The following ZNF728 variants were observed in gnomAD, a reference collection of about 807,000 sequenced individuals.
ZNF728 encodes the protein zinc finger protein 728.
Under a neutral mutation model 12.5 loss-of-function variants are expected in ZNF728, and 12 were observed. The observed-to-expected ratio is 0.96, with a 90% CI of 0.61 to 1.55. The LOEUF is 1.55. Among genes scored for constraint, ZNF728 ranks in the 40% most tolerant of loss-of-function variants. The probability of loss-of-function intolerance (pLI) is 0.00; values close to 1 mark genes in which losing one functional copy is unlikely to be tolerated. For synonymous variants in ZNF728, 205 were observed against 240.7 expected (o/e 0.85, Z 1.37); for missense variants, 692 against 719.2 (o/e 0.96, Z 0.43).
chr19:23,002,847 G>A (rs952698211), intron 1 of ZNF728, among the ~76,000 whole-genome samples, 181 bp downstream of exon 1: 13 of 152,202 alleles, frequency 8.5e-5, no homozygotes. Context: ...CCCGGGGACC[G>A]GGTGTCAGCG....
intron 1 of ZNF728, 61 bp from the exon 2 acceptor site, chr19:22,988,512 G>A (rs189851141): frequency 3.9e-5 from 62 of 1,594,954 alleles, no homozygotes; most frequent in Non-Finnish European, 5.1e-5. Context: ...TTTTTAATTT[G>A]ACTCAAGGTA....
At chr19:22,982,062 T>C (rs890910696) in intron 3 of ZNF728, among the ~76,000 whole-genome samples, 2 of 152,092 alleles carry the variant, frequency 1.3e-5, no homozygotes, top group African/African-American at 2.4e-5. Context: ...ATAAAAGGTA[T>C]TCAAATAGGA....
intron 1 of ZNF728, among the ~76,000 whole-genome samples, chr19:22,989,877 G>A (rs1021367174): frequency 6.6e-6 from 1 of 151,956 alleles, no homozygotes; most frequent in Non-Finnish European, 1.5e-5. Flanking sequence ...GACATAATAA[G>A]GAACACAGAC....
At chr19:22,995,102 A>AGCT (rs1322170291) in intron 1 of ZNF728, 3 of 152,316 alleles carry the variant, frequency 2.0e-5, no homozygotes, top group African/African-American at 7.2e-5. Flanking sequence ...TGAAAAAAAT[A>AGCT]CTGCTGGGTT....
chr19:22,984,053 TG>T (rs1968888301), intron 3 of ZNF728, among the ~76,000 whole-genome samples: 1 of 151,898 alleles, frequency 6.6e-6, no homozygotes, highest in East Asian at 1.9e-4. Flanking sequence ...TACTTAAAGG[TG>T]GTATAAAACA....
chr19:22,998,354 T>TAA (rs35334611), intron 1 of ZNF728, among the ~76,000 whole-genome samples: 34,728 of 137,912 alleles, frequency 0.25, 4,609 homozygotes, highest in African/African-American at 0.38. Context: ...ATCCCATCTA[T>TAA]AAAAAAAAAA....
chr19:23,000,887 CA>C (rs150522126), intron 1 of ZNF728, among the ~76,000 whole-genome samples: 8,387 of 125,162 alleles, frequency 0.067, 301 homozygotes, highest in African/African-American at 0.078. Flanking sequence ...AAAAAAAAAC[CA>C]AAAAAAAAAA....
At chr19:22,985,339 TGA>T (rs2145339926) in intron 3 of ZNF728, among the ~76,000 whole-genome samples, 1 of 152,258 alleles carries the variant, frequency 6.6e-6, no homozygotes, top group South Asian at 2.1e-4. Flanking sequence ...AATGTCTTAA[TGA>T]GAGAACCAGG....
At position 23,003,133 on chromosome 19, in the gene ZNF728, C is replaced by T; in HGVS notation, c.-103G>A. The T allele has an allele frequency of 7.2e-7, 1 of 1,380,520 alleles. No homozygotes were observed. Among genetic ancestry groups the T allele is most frequent in the Non-Finnish European group, 9.8e-7 (1 of 1,022,498 alleles). 85.5% of individuals were successfully genotyped at this position (1,380,520 alleles called of 1,614,324 possible). ...GCCTTTAGGAGCGGACGACACACAG[C>T]AGTAAGGACGACACCTTGACCTCCG... On this transcript the variant is annotated 5_prime_UTR_variant, in exon 1 of 4. Transcript: ENST00000594710.
intron 1 of ZNF728, among the ~76,000 whole-genome samples, chr19:23,001,917 CAT>C (rs767937544): frequency 5.3e-5 from 8 of 152,034 alleles, no homozygotes; most frequent in Non-Finnish European, 1.0e-4. Flanking sequence ...ACTTGGGACA[CAT>C]GTGAAAAATG....
At chr19:22,992,417 A>G (rs887722309) in intron 1 of ZNF728, among the ~76,000 whole-genome samples, 1 of 151,820 alleles carries the variant, frequency 6.6e-6, no homozygotes, top group Non-Finnish European at 1.5e-5. Flanking sequence ...TAATTTTTGT[A>G]TTTTTAGTAG....
intron 1 of ZNF728, among the ~76,000 whole-genome samples, chr19:22,991,782 A>C (rs143955384): frequency 1.3e-5 from 2 of 152,166 alleles, no homozygotes; most frequent in African/African-American, 4.8e-5. Flanking sequence ...AAAAGGGTGA[A>C]TATGAACAGG....
chr19:22,978,544 C>T (rs1452877520), intron 3 of ZNF728, among the ~76,000 whole-genome samples: 8 of 152,216 alleles, frequency 5.3e-5, no homozygotes, highest in African/African-American at 1.7e-4. Flanking sequence ...GGGTCCCTGA[C>T]ACCCATGTCT....
Position 22,984,314 on chromosome 19 carries a change from T to C in ZNF728, c.226+2994A>G, listed in dbSNP as rs559475872. Among the ~76,000 whole-genome samples, 759 of 151,610 alleles carry C rather than the reference T, an allele frequency of 5.0e-3. 4 individuals carry two copies. The highest frequency in any genetic ancestry group is 8.5e-3 in the Admixed American group (130 of 15,248). On this transcript the variant is annotated intron_variant, in intron 3 of 3. Transcript: ENST00000594710. ...TGGCTCACGCCTGTAATCCCAGCACTTTGGGAGGCCGAGGTGGGTGGATCA... is the reference window on the plus strand; with the variant it reads ...TGGCTCACGCCTGTAATCCCAGCACCTTGGGAGGCCGAGGTGGGTGGATCA...
chr19:22,980,086 C>T (rs1346676546), intron 3 of ZNF728, among the ~76,000 whole-genome samples: 1 of 151,632 alleles, frequency 6.6e-6, no homozygotes, highest in Non-Finnish European at 1.5e-5. Context: ...GAGTCAAGAT[C>T]CATCTAAGTG....
In ZNF728 at chr19:22,986,924, C is replaced by T. The variant is rs186684192; in HGVS notation, c.226+384G>A. Among the ~76,000 whole-genome samples the T allele has an allele frequency of 7.9e-4, 120 of 152,190 alleles. 1 individual carries two copies. Among genetic ancestry groups the T allele is most frequent in the Admixed American group, 1.3e-3 (20 of 15,286 alleles). ...CCAATGATACAGAAACCACTACTCT[C>T]ACATATTTCAGAGATGATGGAAAAA... On this transcript the variant is annotated intron_variant, in intron 3 of 3. Transcript: ENST00000594710.
chr19:22,999,297 T>TA (rs1479437391), intron 1 of ZNF728, among the ~76,000 whole-genome samples: 2 of 152,174 alleles, frequency 1.3e-5, no homozygotes, highest in African/African-American at 4.8e-5. Flanking sequence ...TGGTTTATTT[T>TA]AAAATCTCTC....
intron 1 of ZNF728, among the ~76,000 whole-genome samples, chr19:22,989,013 T>TGCCCTCC (rs1015447518): frequency 2.1e-5 from 3 of 140,570 alleles, no homozygotes; most frequent in African/African-American, 5.4e-5. Context: ...ATCATGCCAT[T>TGCCCTCC]GCCCTCCAGC....
chr19:22,992,133 TA>T (rs1026684561), intron 1 of ZNF728, among the ~76,000 whole-genome samples: 33 of 152,232 alleles, frequency 2.2e-4, no homozygotes, highest in African/African-American at 7.5e-4. Flanking sequence ...TGCACACAGC[TA>T]TTTATTGTAC....
Sources: allele counts gnomAD v4.1 joint callset (sites outside exome capture counted in the v4.1 genomes callset), GRCh38; gene constraint gnomAD v4.1.1; transcripts MANE v1.5; gene names NCBI Gene and HGNC (gene_info 2026-07-23, HGNC 2026-07-21).